ZFR2: variants seen among roughly 807,000 people sequenced by gnomAD.
The protein encoded by ZFR2 is zinc finger RNA binding protein 2, also known as zinc finger RNA-binding protein 2.
ZFR2 carries 104 observed loss-of-function variants against 105.7 expected under a neutral mutation model. The ratio of observed to expected loss-of-function variants is 0.98; its 90% CI spans 0.84 to 1.16. The LOEUF (loss-of-function observed/expected upper bound fraction) is 1.16. Among genes scored for constraint, ZFR2 ranks in the 50% most tolerant of loss-of-function variants. The probability of loss-of-function intolerance (pLI) is 0.00; values close to 1 mark genes in which losing one functional copy is unlikely to be tolerated. For missense variants in ZFR2, 1,425 were observed against 1,355.5 expected (o/e 1.05, Z -0.80); for synonymous variants, 634 against 597.7 (o/e 1.06, Z -0.89).
intron 1 of ZFR2, among the ~76,000 whole-genome samples, chr19:3,835,673 G>C (rs553621919): frequency 1.3e-5 from 2 of 151,462 alleles, no homozygotes; most frequent in South Asian, 4.2e-4. Flanking sequence ...GGCCGGGTGT[G>C]GTAGCTCATG....
chr19:3,829,066 A>G lies in ZFR2; in HGVS notation c.853-1413T>C, dbSNP rs528952432. Reference sequence around the variant, plus strand: ...AGCCGCCGCCTCCCAGGTTCACGCCATTCTCCTGCCTCAGCCTCCCAAGTA... The same window carrying G: ...AGCCGCCGCCTCCCAGGTTCACGCCGTTCTCCTGCCTCAGCCTCCCAAGTA... On this transcript the variant is annotated intron_variant, in intron 5 of 18. Coordinates refer to ENST00000262961, the MANE Select transcript of ZFR2 (RefSeq NM_015174.2). Among the ~76,000 whole-genome samples, 9 of 150,378 alleles carry G rather than the reference A, an allele frequency of 6.0e-5. No individual in the cohort carries two copies. In the East Asian group the frequency reaches 1.6e-3, roughly 26 times the overall value.
At chr19:3,832,709 C>G (rs1450891718) in intron 3 of ZFR2, among the ~76,000 whole-genome samples, 1 of 151,856 alleles carries the variant, frequency 6.6e-6, no homozygotes, top group African/African-American at 2.4e-5. Context: ...GCGATCACAG[C>G]TCACTGCAGC....
At chr19:3,831,197 T>C (rs1416913361) in intron 5 of ZFR2, 106 bp downstream of exon 5, 5 of 1,407,926 alleles carry the variant, frequency 3.6e-6, no homozygotes, top group African/African-American at 1.4e-5. Flanking sequence ...CAGACCTTCT[T>C]TCAGCAGGCA....
intron 16 of ZFR2, 90 bp downstream of exon 16, chr19:3,810,660 A>G: frequency 1.6e-6 from 2 of 1,274,044 alleles, no homozygotes; most frequent in South Asian, 1.5e-5. Context: ...CCTTCGAGGG[A>G]AAAGGTCTGT....
intron 1 of ZFR2, among the ~76,000 whole-genome samples, chr19:3,835,980 G>A (rs2038073804): frequency 6.6e-6 from 1 of 151,890 alleles, no homozygotes; most frequent in Admixed American, 6.6e-5. Flanking sequence ...AAACAGTACA[G>A]CTGTCCCTCA....
intron 5 of ZFR2, 50 bp from the exon 6 acceptor site, chr19:3,827,703 A>C: frequency 6.5e-7 from 1 of 1,547,832 alleles, no homozygotes; most frequent in Non-Finnish European, 8.7e-7. Context: ...CACACTGGCC[A>C]CTGTCCCCTC....
intron 1 of ZFR2, among the ~76,000 whole-genome samples, chr19:3,847,835 C>A (rs2038198588): frequency 1.3e-5 from 2 of 152,298 alleles, no homozygotes; most frequent in African/African-American, 4.8e-5. Context: ...GGCAAAGAGG[C>A]CGGGAGAGCT....
chr19:3,852,243 G>A lies in ZFR2; in HGVS notation c.53+16722C>T. 5.3e-6 allele frequency: 3 copies of A among 566,560 alleles called. No homozygotes were observed. In the South Asian group the frequency reaches 6.1e-5, roughly 12 times the overall value. 35.1% of individuals were successfully genotyped at this position (566,560 alleles called of 1,614,324 possible). A position where few individuals can be genotyped will look rare whatever the true frequency, so the allele number is the denominator to read the frequency against. ...GGCAGAGGTGGGGCTCAGCTGGATGGCTCTCCTGGCCAGATGGGGCTCAGC... is the reference window on the plus strand; with the variant it reads ...GGCAGAGGTGGGGCTCAGCTGGATGACTCTCCTGGCCAGATGGGGCTCAGC... On this transcript the variant is annotated intron_variant, in intron 1 of 18. Transcript: ENST00000262961.
At chr19:3,812,745 AG>A (rs112078331) in intron 14 of ZFR2, among the ~76,000 whole-genome samples, 4,813 of 152,006 alleles carry the variant, frequency 0.032, 245 homozygotes, top group African/African-American at 0.11. Flanking sequence ...TAATGATTCA[AG>A]GCTCTTATTA....
At chr19:3,821,930 G>C in intron 9 of ZFR2, 151 bp downstream of exon 9, 1 of 1,257,274 alleles carries the variant, frequency 8.0e-7, no homozygotes, top group Non-Finnish European at 1.1e-6. Flanking sequence ...TTTGAGACGA[G>C]GACCAAGACG....
Position 3,867,353 on chromosome 19 carries a change from T to TG in ZFR2, c.53+1611dup, listed in dbSNP as rs552295539. ...GAGATGCCAGCCCTGGCTCCCGGAC[T>TG]GGGACTCCAGTCTTGGGGGCAGATG... On this transcript the variant is annotated intron_variant, in intron 1 of 18. Coordinates refer to ENST00000262961, the MANE Select transcript of ZFR2 (RefSeq NM_015174.2). Among the ~76,000 whole-genome samples, 306 of 152,050 alleles carry TG rather than the reference T, an allele frequency of 2.0e-3. 1 individual carries two copies. Among genetic ancestry groups the TG allele is most frequent in the Non-Finnish European group, 2.8e-3 (188 of 67,968 alleles).
intron 16 of ZFR2, 86 bp downstream of exon 16, chr19:3,810,664 G>A: frequency 7.7e-7 from 1 of 1,304,240 alleles, no homozygotes; most frequent in South Asian, 1.5e-5. Flanking sequence ...CGAGGGAAAA[G>A]GTCTGTCTCT....
Position 3,834,297 on chromosome 19 carries a change from C to T in ZFR2, c.264+476G>A, listed in dbSNP as rs1038861727. On this transcript the variant is annotated intron_variant, in intron 2 of 18. Coordinates refer to ENST00000262961, the MANE Select transcript of ZFR2 (RefSeq NM_015174.2). The surrounding 1 kb of genome is among the most constrained non-coding windows in gnomAD (Gnocchi z 5.3). ...GGCTGGATCTGCAGCCTGAGTGCCT[C>T]GGTTGGGAAGGTGAGGTCGTCAGCA... Among the ~76,000 whole-genome samples, 5 of 151,920 alleles carry T rather than the reference C, an allele frequency of 3.3e-5. No homozygotes were observed. Among genetic ancestry groups the T allele is most frequent in the Admixed American group, 2.0e-4 (3 of 15,202 alleles).
At position 3,810,786 on chromosome 19, in the gene ZFR2, G is replaced by C. The variant is rs1379732003; in HGVS notation, c.2397C>G (p.Cys799Trp). 6.5e-7 allele frequency: 1 copy of C among 1,550,214 alleles called. No individual in the cohort carries two copies. The highest frequency in any genetic ancestry group is 1.4e-5 in the African/African-American group (1 of 73,058). Residue 799 changes from cysteine (C) to tryptophan (W), a missense_variant, in exon 16 of 19, where the codon TGC becomes TGG. By Grantham distance (215) the Cys-to-Trp change is radical (BLOSUM62 -2). Coordinates refer to ENST00000262961, the MANE Select transcript of ZFR2 (RefSeq NM_015174.2). ...VIVIRVLRDL[C>W]RRVPTWGALP... The stretch of plus-strand genomic sequence containing the variant: ...GGGCCCCCCAGGTGGGCACACGCCG[G>C]CAGAGGTCCCTCAGGACCCTGATGA...
At chr19:3,828,199 C>T (rs2037974271) in intron 5 of ZFR2, among the ~76,000 whole-genome samples, 1 of 150,080 alleles carries the variant, frequency 6.7e-6, no homozygotes. Flanking sequence ...GGCTGGAGTG[C>T]AGTGGCGTGA....
chr19:3,860,520 C>T lies in ZFR2; in HGVS notation c.53+8445G>A, dbSNP rs148811494. Among the ~76,000 whole-genome samples the T allele has an allele frequency of 1.1e-4, 17 of 152,202 alleles. No individual in the cohort carries two copies. In the East Asian group the frequency reaches 3.3e-3, roughly 29 times the overall value. On this transcript the variant is annotated intron_variant, in intron 1 of 18. Transcript: ENST00000262961. The stretch of plus-strand genomic sequence containing the variant: ...CGTCGAGTTTCCCGAGCCTCGGGGG[C>T]GAGCCAGGTTATGCGGCAGTGGGAC...
chr19:3,806,192 G>A, intron 18 of ZFR2, 67 bp from the exon 19 acceptor site: 2 of 1,384,538 alleles, frequency 1.4e-6, no homozygotes, highest in Non-Finnish European at 9.3e-7. Flanking sequence ...GGGACACAGA[G>A]GGGCTGGTGT....
chr19:3,854,444 G>A (rs897559871), intron 1 of ZFR2, among the ~76,000 whole-genome samples: 6 of 152,024 alleles, frequency 3.9e-5, no homozygotes, highest in African/African-American at 9.7e-5. Flanking sequence ...CATAACAGGC[G>A]CTTCACAGCC....
At chr19:3,816,116 G>T (rs1032740856) in intron 13 of ZFR2, among the ~76,000 whole-genome samples, 1 of 151,248 alleles carries the variant, frequency 6.6e-6, no homozygotes, top group African/African-American at 2.4e-5. Flanking sequence ...GCCCAGGCTG[G>T]TCTCAAACTC....
Sources: allele counts gnomAD v4.1 joint callset (sites outside exome capture counted in the v4.1 genomes callset), GRCh38; gene constraint gnomAD v4.1.1; non-coding constraint Gnocchi (gnomAD v3.1); transcripts MANE v1.5; gene names NCBI Gene and HGNC (gene_info 2026-07-23, HGNC 2026-07-21).